The following SMC5 variants were observed in gnomAD, a reference collection of about 807,000 sequenced individuals.
SMC5 encodes the protein structural maintenance of chromosomes protein 5.
Under a neutral mutation model 148.3 loss-of-function variants are expected in SMC5, and 88 were observed. The ratio of observed to expected loss-of-function variants is 0.59; its 90% CI spans 0.50 to 0.71. The LOEUF (loss-of-function observed/expected upper bound fraction) is 0.71. SMC5 is among the 30% of genes least tolerant of loss of function. The probability of loss-of-function intolerance (pLI) is 0.00; values close to 1 mark genes in which losing one functional copy is unlikely to be tolerated. For missense variants in SMC5, 1,142 were observed against 1,298.9 expected, an observed-to-expected ratio of 0.88 and a Z score of 1.86; for synonymous variants, 421 against 432.8, an observed-to-expected ratio of 0.97 and a Z score of 0.34.
At chr9:70,340,635 A>G (rs2036496429) in intron 17 of SMC5, among the ~76,000 whole-genome samples, 2 of 152,246 alleles carry the variant, frequency 1.3e-5, no homozygotes, top group East Asian at 3.9e-4. Context: ...AGTTGATGAT[A>G]CCTAGAACTT....
At chr9:70,334,091 G>C (rs1168590896) in intron 17 of SMC5, among the ~76,000 whole-genome samples, 1 of 150,578 alleles carries the variant, frequency 6.6e-6, no homozygotes, top group Non-Finnish European at 1.5e-5. Context: ...ACAGAATAGA[G>C]ACTCAAGACA....
At chr9:70,329,663 C>T (rs988434698) in intron 17 of SMC5, among the ~76,000 whole-genome samples, 4 of 152,134 alleles carry the variant, frequency 2.6e-5, no homozygotes, top group African/African-American at 9.7e-5. Flanking sequence ...TCTTCTGAGC[C>T]CTCCAAACTG....
intron 13 of SMC5, among the ~76,000 whole-genome samples, chr9:70,317,186 ACAATAATGGCTAGATAATGG>A (rs1336120330): frequency 6.6e-6 from 1 of 152,144 alleles, no homozygotes; most frequent in East Asian, 1.9e-4. Flanking sequence ...TCTGTTTGAG[ACAATAATGGCTAGATAATGG>A]CAATAATGGC....
chr9:70,318,343 G>T lies in SMC5; in HGVS notation c.1807-171G>T, dbSNP rs146183509. ...GTTGAGGCTGGAGTAAGCTGAGTTC[G>T]TGCCACTGCATTCCAGCCTGGGTGA... On this transcript the variant is annotated intron_variant, in intron 13 of 24. Transcript: ENST00000361138. Among the ~76,000 whole-genome samples, 592 of 151,736 alleles carry T rather than the reference G, an allele frequency of 3.9e-3. 3 individuals carry two copies. The highest frequency in any genetic ancestry group is 0.013 in the African/African-American group (546 of 41,352).
chr9:70,298,508 A>T (rs2035268708), intron 9 of SMC5, among the ~76,000 whole-genome samples: 1 of 152,096 alleles, frequency 6.6e-6, no homozygotes, highest in South Asian at 2.1e-4. Context: ...ACTATTACTC[A>T]TATCAAATTT....
intron 11 of SMC5, chr9:70,311,481 G>A (rs924654501): frequency 3.9e-5 from 6 of 152,052 alleles, no homozygotes; most frequent in Non-Finnish European, 8.8e-5. Flanking sequence ...TAAACAAGTT[G>A]GGAGAATTAC....
At chr9:70,274,200 G>GGA (rs2034524226) in intron 3 of SMC5, among the ~76,000 whole-genome samples, 1 of 152,204 alleles carries the variant, frequency 6.6e-6, no homozygotes, top group South Asian at 2.1e-4. Context: ...TCCTGCCTCA[G>GGA]CCTCCCGAGT....
intron 3 of SMC5, among the ~76,000 whole-genome samples, chr9:70,269,450 C>T (rs758189985): frequency 3.3e-5 from 5 of 151,936 alleles, no homozygotes; most frequent in Middle Eastern, 3.2e-3. Flanking sequence ...GGCCTGGCTG[C>T]GCACCTGTAG....
At chr9:70,312,294 A>G (rs2035679307) in intron 11 of SMC5, among the ~76,000 whole-genome samples, 1 of 152,120 alleles carries the variant, frequency 6.6e-6, no homozygotes, top group South Asian at 2.1e-4. Context: ...CAGGAGAGAG[A>G]GAGTGGGCAG....
chr9:70,347,546 G>A (rs1473733196), intron 20 of SMC5, 67 bp from the exon 21 acceptor site: 1 of 831,412 alleles, frequency 1.2e-6, no homozygotes, highest in Non-Finnish European at 1.9e-6. Context: ...TTTAATCAAT[G>A]CAAAATTGTA....
chr9:70,332,912 G>A lies in SMC5; in HGVS notation c.2397+8769G>A, dbSNP rs1034572599. 3.3e-5 allele frequency among the ~76,000 whole-genome samples: 5 copies of A among 152,128 alleles called. No individual in the cohort carries two copies. The South Asian group carries it at 1.0e-3, about 32-fold the overall frequency. On this transcript the variant is annotated intron_variant, in intron 17 of 24. Coordinates refer to ENST00000361138, the MANE Select transcript of SMC5 (RefSeq NM_015110.4). ...TTCATTATAAAAACTTCTTGCAACT[G>A]GGAATCGAAGGAGACTTCATCATTC... is the stretch of plus-strand genomic sequence containing the variant.
At chr9:70,347,190 C>T (rs975940812) in intron 20 of SMC5, 29 bp downstream of exon 20, 4 of 1,579,764 alleles carry the variant, frequency 2.5e-6, no homozygotes, top group Non-Finnish European at 3.5e-6. Flanking sequence ...TCCCATTCTG[C>T]ATCCAACCAC....
chr9:70,259,096 G>A lies in SMC5; in HGVS notation c.18G>A (p.Lys6=), dbSNP rs2034007564. MATPS[K]KTSTPSPQPS... ...AAGCCAGGATGGCGACTCCGAGCAA[G>A]AAGACGTCAACTCCAAGCCCCCAGC... Residue 6 remains lysine, a synonymous_variant, in exon 1 of 25, where the codon AAG becomes AAA. Transcript: ENST00000361138. The A allele has an allele frequency of 6.2e-7, 1 of 1,608,732 alleles. No homozygotes were observed. Among genetic ancestry groups the A allele is most frequent in the South Asian group, 1.1e-5 (1 of 90,254 alleles).
At chr9:70,327,091 C>CA (rs571391845) in intron 17 of SMC5, among the ~76,000 whole-genome samples, 1 of 152,044 alleles carries the variant, frequency 6.6e-6, no homozygotes, top group Non-Finnish European at 1.5e-5. Flanking sequence ...TGTATTTTCT[C>CA]AAAAAAACAA....
intron 6 of SMC5, 144 bp downstream of exon 6, chr9:70,281,043 C>CTT (rs895384041): frequency 5.9e-4 from 374 of 632,240 alleles, no homozygotes; most frequent in East Asian, 6.7e-4. Flanking sequence ...AAATTCATGT[C>CTT]TTTTTTTTTT....
chr9:70,323,690 T>G, intron 16 of SMC5, 84 bp downstream of exon 16: 1 of 1,152,670 alleles, frequency 8.7e-7, no homozygotes, highest in Non-Finnish European at 1.2e-6. Flanking sequence ...GGAGGGAAGG[T>G]TTTGATTAAG....
At chr9:70,288,735 TA>T (rs1175558657) in intron 8 of SMC5, among the ~76,000 whole-genome samples, 2 of 152,178 alleles carry the variant, frequency 1.3e-5, no homozygotes, top group Non-Finnish European at 2.9e-5. Flanking sequence ...TTTTAATTTC[TA>T]TGGATATGGA....
chr9:70,280,316 G>A (rs1026708498), intron 5 of SMC5, among the ~76,000 whole-genome samples: 7 of 152,092 alleles, frequency 4.6e-5, no homozygotes, highest in African/African-American at 9.7e-5. Flanking sequence ...CTTTCATCTC[G>A]TTTCTAAGAC....
At chr9:70,272,590 T>C (rs2034482407) in intron 3 of SMC5, among the ~76,000 whole-genome samples, 1 of 152,146 alleles carries the variant, frequency 6.6e-6, no homozygotes, top group South Asian at 2.1e-4. Flanking sequence ...GAAATGTTTT[T>C]AGTGGGCAGT....
Sources: allele counts gnomAD v4.1 joint callset (sites outside exome capture counted in the v4.1 genomes callset), GRCh38; gene constraint gnomAD v4.1.1; transcripts MANE v1.5; gene names NCBI Gene and HGNC (gene_info 2026-07-23, HGNC 2026-07-21).